The following ZNF519 variants were observed in gnomAD, a reference collection of about 807,000 sequenced individuals.
ZNF519 encodes similar to Zinc finger protein 85 (Zinc finger protein HPF4) (HTF1).
ZNF519 carries 7 observed loss-of-function variants against 7.4 expected under a neutral mutation model. The ratio of observed to expected loss-of-function variants is 0.94; its 90% CI spans 0.54 to 1.77. The LOEUF is 1.77. Ranked by LOEUF, ZNF519 falls within the 40% of genes most tolerant of loss-of-function variation. ZNF519 has a pLI of 0.00. For missense variants in ZNF519, 586 were observed against 623.1 expected, an observed-to-expected ratio of 0.94 and a Z score of 0.63; for synonymous variants, 179 against 203.3, an observed-to-expected ratio of 0.88 and a Z score of 1.02.
At chr18:14,088,853 T>C (rs970110696) in intron 2 of ZNF519, among the ~76,000 whole-genome samples, 5 of 152,168 alleles carry the variant, frequency 3.3e-5, no homozygotes, top group African/African-American at 1.2e-4. Flanking sequence ...CATCATTAAT[T>C]TGAAATTTGC....
chr18:14,089,554 A>AAAAAT (rs113635872), intron 2 of ZNF519, among the ~76,000 whole-genome samples: 116,787 of 151,122 alleles, frequency 0.77, 45,248 homozygotes, highest in East Asian at 0.96. Context: ...ATGGAGTTGA[A>AAAAAT]AAAATAATGT....
Position 14,105,570 on chromosome 18 carries a change from C to A in ZNF519, c.970G>T (p.Glu324Ter), listed in dbSNP as rs748955821. 3.7e-6 allele frequency: 6 copies of A among 1,614,074 alleles called. No homozygotes were observed. Among genetic ancestry groups the A allele is most frequent in the Non-Finnish European group, 5.1e-6 (6 of 1,180,008 alleles). The change falls in exon 3 of 3, where the codon GAA becomes TAA. Residue 324 changes from glutamate to a stop codon, truncating the protein, a stop_gained. Transcript: ENST00000590202. LOFTEE classifies it low-confidence loss of function (END_TRUNC). ...CCTCTGTTAAAAGCTTTGCCACATT[C>A]CTTACACTTGAAAGGCTTCTCTCCA... Reference protein sequence around the residue: ...HTGEKPFKCKECGKAFNRGSY... With the variant: ...HTGEKPFKCK
At chr18:14,123,385 G>T (rs553601067) in intron 2 of ZNF519, among the ~76,000 whole-genome samples, 59 of 152,166 alleles carry the variant, frequency 3.9e-4, no homozygotes, top group Non-Finnish European at 6.2e-4. Context: ...TTAAATCTGC[G>T]GGTTCTAAGT....
intron 2 of ZNF519, chr18:14,122,495 A>G (rs2046274132): frequency 1.3e-5 from 2 of 152,190 alleles, no homozygotes; most frequent in Admixed American, 6.5e-5. Context: ...CCTCAAAAAT[A>G]CAAATATTCC....
In ZNF519 at chr18:14,128,690, AACAC is replaced by A. The variant is rs71366097; in HGVS notation, c.3+3581_3+3584del. ...CCTAGATTAAGACAATTCTGAGTCA[AACAC>A]ACACACACACACACACACACACACA... On this transcript the variant is annotated intron_variant, in intron 1 of 2. Coordinates refer to ENST00000590202, the MANE Select transcript of ZNF519 (RefSeq NM_145287.4). Among the ~76,000 whole-genome samples the A allele has an allele frequency of 7.2e-4, 94 of 130,654 alleles. 2 individuals carry two copies. The highest frequency in any genetic ancestry group is 4.5e-4 in the Non-Finnish European group (28 of 62,586). 85.7% of individuals were successfully genotyped at this position (130,654 alleles called of 152,430 possible). A position where few individuals can be genotyped will look rare whatever the true frequency, so the allele number is the denominator to read the frequency against.
Position 14,101,641 on chromosome 18 carries a change from C to T in ZNF519, c.*3276G>A, listed in dbSNP as rs1354489440. The T allele has an allele frequency of 5.0e-6, 2 of 398,292 alleles. No individual in the cohort carries two copies. Among genetic ancestry groups the T allele is most frequent in the East Asian group, 7.1e-5 (2 of 28,078 alleles). 24.7% of individuals were successfully genotyped at this position (398,292 alleles called of 1,614,324 possible). A position where few individuals can be genotyped will look rare whatever the true frequency, so the allele number is the denominator to read the frequency against. On this transcript the variant is annotated 3_prime_UTR_variant, in exon 3 of 3. Transcript: ENST00000590202. ...AAGGCCTTCTCAGCCATGTCTGGGC[C>T]CTGGTTATAGAGACCATCTCTACAC...
downstream of ZNF519, chr18:14,074,139 C>G (rs1412499192): frequency 6.6e-6 from 1 of 152,160 alleles, no homozygotes; most frequent in Non-Finnish European, 1.5e-5. Context: ...GAAGTGTAGA[C>G]TGCATCATTC....
chr18:14,101,413 G>C lies in ZNF519; in HGVS notation c.*3504C>G. The C allele has an allele frequency of 3.0e-6, 1 of 335,354 alleles. No homozygotes were observed. The highest frequency in any genetic ancestry group is 5.4e-6 in the Non-Finnish European group (1 of 186,732). 20.8% of individuals were successfully genotyped at this position (335,354 alleles called of 1,614,324 possible). A position where few individuals can be genotyped will look rare whatever the true frequency, so the allele number is the denominator to read the frequency against. ...AAAACACTCATGGTCATAACATGAA[G>C]TGAAAGTAAAATATAAATAATTTTC... On this transcript the variant is annotated 3_prime_UTR_variant, in exon 3 of 3. Transcript: ENST00000590202.
In ZNF519 at chr18:14,113,392, C is replaced by G. The variant is rs1883259010; in HGVS notation, c.131-6983G>C. Among the ~76,000 whole-genome samples, 5 of 152,164 alleles carry G rather than the reference C, an allele frequency of 3.3e-5. 1 individual carries two copies. Among genetic ancestry groups the G allele is most frequent in the Admixed American group, 3.3e-4 (5 of 15,274 alleles). ...CACCTACCCATGACCTGGAAACTCC[C>G]TCCCTGCTTTGAGTTGTCCCACCTT... On this transcript the variant is annotated intron_variant, in intron 2 of 2. Coordinates refer to ENST00000590202, the MANE Select transcript of ZNF519 (RefSeq NM_145287.4).
At chr18:14,115,439 T>G (rs2046241801) in intron 2 of ZNF519, among the ~76,000 whole-genome samples, 1 of 152,196 alleles carries the variant, frequency 6.6e-6, no homozygotes, top group African/African-American at 2.4e-5. Context: ...ACCACAAGTG[T>G]TCAACAATTG....
In ZNF519 at chr18:14,106,023, TATG is replaced by T. The variant is rs1567948419; in HGVS notation, c.514_516del (p.His172del). 1.3e-6 allele frequency: 2 copies of T among 1,581,232 alleles called. No homozygotes were observed. Among genetic ancestry groups the T allele is most frequent in the Non-Finnish European group, 1.7e-6 (2 of 1,159,858 alleles). On this transcript the variant is annotated inframe_deletion, in exon 3 of 3. Coordinates refer to ENST00000590202, the MANE Select transcript of ZNF519 (RefSeq NM_145287.4). ...TAATAGTTTTCTAGAAAATGAGTACTATGATGTTTACTAATATTTGAGTCATGG... is the reference window on the plus strand; with the variant it reads ...TAATAGTTTTCTAGAAAATGAGTACTATGTTTACTAATATTTGAGTCATGG...
chr18:14,121,531 C>T (rs149972428), intron 2 of ZNF519, among the ~76,000 whole-genome samples: 1 of 152,218 alleles, frequency 6.6e-6, no homozygotes, highest in African/African-American at 2.4e-5. Context: ...TAAGTCCTCA[C>T]TTAATGTTCA....
chr18:14,076,851 A>G (rs1598505439), exon 5 of ZNF519: 1 of 152,218 alleles, frequency 6.6e-6, no homozygotes, highest in East Asian at 1.9e-4. Context: ...CAGTCTCACC[A>G]TAAGGAGTAG....
At position 14,105,465 on chromosome 18, in the gene ZNF519, T is replaced by C. The variant is rs1320013383; in HGVS notation, c.1075A>G (p.Arg359Gly). 6.2e-7 allele frequency: 1 copy of C among 1,613,524 alleles called. No individual in the cohort carries two copies. Among genetic ancestry groups the C allele is most frequent in the African/African-American group, 1.3e-5 (1 of 74,924 alleles). Residue 359 changes from arginine to glycine, a missense_variant, in exon 3 of 3, where the codon AGG becomes GGG. Coordinates refer to ENST00000590202, the MANE Select transcript of ZNF519 (RefSeq NM_145287.4). The part of the protein sequence containing the change: ...KCEECGKAFN[R>G]GSYLTQHQRI... ...TGGTGTTGAGTAAGGTATGACCCCC[T>C]GTTAAAGGCTTTGCCACATTCTTCA...
At chr18:14,118,369 T>C (rs1292885862) in intron 2 of ZNF519, among the ~76,000 whole-genome samples, 4 of 152,224 alleles carry the variant, frequency 2.6e-5, no homozygotes, top group African/African-American at 9.7e-5. Context: ...CAATGAATTA[T>C]TCTTTAGCCT....
At chr18:14,087,861 A>C (rs2046098037) in intron 2 of ZNF519, among the ~76,000 whole-genome samples, 1 of 152,242 alleles carries the variant, frequency 6.6e-6, no homozygotes, top group African/African-American at 2.4e-5. Flanking sequence ...AAAATGGACA[A>C]AAAGGATCTG....
intron 3 of ZNF519, among the ~76,000 whole-genome samples, chr18:14,084,004 C>A (rs756196615): frequency 6.6e-6 from 1 of 152,268 alleles, no homozygotes. Context: ...CCAGGATGAC[C>A]CCCCAAATGG....
At chr18:14,106,500 A>G in intron 2 of ZNF519, 91 bp from the exon 3 acceptor site, 1 of 1,140,906 alleles carries the variant, frequency 8.8e-7, no homozygotes, top group East Asian at 2.6e-5. Flanking sequence ...CCAAGCTGAG[A>G]ACATCAGCAC....
At chr18:14,110,903 A>AG (rs1222187262) in intron 2 of ZNF519, among the ~76,000 whole-genome samples, 2 of 152,128 alleles carry the variant, frequency 1.3e-5, no homozygotes, top group Non-Finnish European at 2.9e-5. Context: ...GAAGGCTGGG[A>AG]GGCGGGTGAG....
Sources: gnomAD v4.1 joint callset for allele counts (sites outside exome capture counted in the v4.1 genomes callset) on GRCh38, gnomAD v4.1.1 for gene constraint, MANE v1.5 for transcripts, NCBI Gene and HGNC (gene_info 2026-07-23, HGNC 2026-07-21) for gene names.